Variants in SYPL1 observed in about 807,000 individuals in gnomAD.
SYPL1 encodes the protein synaptophysin like 1.
Under a neutral mutation model 23.7 loss-of-function variants are expected in SYPL1, and 6 were observed. The observed-to-expected ratio is 0.25, with a 90% CI of 0.14 to 0.50. The LOEUF is 0.50. Ranked by LOEUF, SYPL1 falls within the 20% of genes least tolerant of loss-of-function variation. SYPL1 has a pLI of 0.98. For missense variants in SYPL1, 253 were observed against 288.9 expected, an observed-to-expected ratio of 0.88 and a Z score of 0.90; for synonymous variants, 102 against 104.5, an observed-to-expected ratio of 0.98 and a Z score of 0.15.
intron 1 of SYPL1, among the ~76,000 whole-genome samples, chr7:106,103,540 G>A (rs889775527): frequency 9.2e-5 from 14 of 152,040 alleles, no homozygotes; most frequent in African/African-American, 3.1e-4. Context: ...CACTTTACAT[G>A]TCACTAATCT....
chr7:106,100,763 C>T lies in SYPL1; in HGVS notation c.70-1481G>A, dbSNP rs1420162520. On this transcript the variant is annotated intron_variant, in intron 1 of 4. Coordinates refer to ENST00000455385, the MANE Select transcript of SYPL1 (RefSeq NM_182715.4). This position sits in a 1 kb window ranked among gnomAD's most constrained non-coding sequence, Gnocchi z 5.1. ...CCCCAGCTTCAGTCTGTTATCAACA[C>T]AACAGCCAAGACAATCTTTTAAAAA... Among the ~76,000 whole-genome samples the T allele has an allele frequency of 1.3e-5, 2 of 152,212 alleles. No homozygotes were observed. Among genetic ancestry groups the T allele is most frequent in the Admixed American group, 1.3e-4 (2 of 15,282 alleles).
In SYPL1 at chr7:106,090,630, C is replaced by T. The variant is rs1839681249; in HGVS notation, c.*1175G>A. 1 of 152,618 alleles carries T rather than the reference C, an allele frequency of 6.6e-6. No homozygotes were observed. Among genetic ancestry groups the T allele is most frequent in the African/African-American group, 2.4e-5 (1 of 41,456 alleles). 9.5% of individuals were successfully genotyped at this position (152,618 alleles called of 1,614,324 possible). On this transcript the variant is annotated 3_prime_UTR_variant, in exon 5 of 5. Coordinates refer to ENST00000455385, the MANE Select transcript of SYPL1 (RefSeq NM_182715.4). ...AAGATGTGCTTCACATATAAACAAT[C>T]ATGTTGTAAGAATAAGAAACCTGAA... is the stretch of plus-strand genomic sequence containing the variant.
intron 1 of SYPL1, among the ~76,000 whole-genome samples, chr7:106,108,564 T>C (rs1187030531): frequency 3.9e-5 from 6 of 152,140 alleles, no homozygotes; most frequent in Non-Finnish European, 8.8e-5. Flanking sequence ...TAAGTGAACA[T>C]ACACGTTATC....
Position 106,093,094 on chromosome 7 carries a change from C to G in SYPL1, c.446G>C (p.Ser149Thr). The change falls in exon 4 of 5, where the codon AGC becomes ACC. Residue 149 changes from serine to threonine, a missense_variant. Coordinates refer to ENST00000455385, the MANE Select transcript of SYPL1 (RefSeq NM_182715.4). Reference protein sequence around the residue: ...TLVATFLWLVSTSAWAKALTD... With the variant: ...TLVATFLWLVTTSAWAKALTD... ...CAGAGCTTTAGCCCAGGCTGAAGTG[C>G]TCACCAACCACAAAAAAGTGGCAAC... is the stretch of plus-strand genomic sequence containing the variant. 6.2e-7 allele frequency: 1 copy of G among 1,611,792 alleles called. No homozygotes were observed. Among genetic ancestry groups the G allele is most frequent in the East Asian group, 2.2e-5 (1 of 44,838 alleles).
chr7:106,104,685 A>G lies in SYPL1; in HGVS notation c.70-5403T>C, dbSNP rs1413153523. On this transcript the variant is annotated intron_variant, in intron 1 of 4. Transcript: ENST00000455385. The surrounding 1 kb of genome is among the most constrained non-coding windows in gnomAD (Gnocchi z 4.1). ...TTATTATTTTAAAGCTTTTTGTTAT[A>G]AGGATAGATAAATATCATGACAGCA... Among the ~76,000 whole-genome samples, 1 of 152,248 alleles carries G rather than the reference A, an allele frequency of 6.6e-6. No individual in the cohort carries two copies. Among genetic ancestry groups the G allele is most frequent in the African/African-American group, 2.4e-5 (1 of 41,464 alleles).
chr7:106,097,774 A>T lies in SYPL1; in HGVS notation c.318T>A (p.Phe106Leu). 1 of 1,614,102 alleles carries T rather than the reference A, an allele frequency of 6.2e-7. No individual in the cohort carries two copies. The highest frequency in any genetic ancestry group is 1.1e-5 in the South Asian group (1 of 91,078). ...GGGCAGCAATGCAGTACAGGAACAC[A>T]AAGACTGCAAAGGTAACATAGAATT... ...SAQFYVTFAV[F>L]VFLYCIAALL... Residue 106 changes from phenylalanine (F) to leucine (L), a missense_variant, in exon 3 of 5, where the codon TTT (phenylalanine) becomes TTA (leucine). Phe to Leu is a conservative substitution (Grantham distance 22). Coordinates refer to ENST00000455385, the MANE Select transcript of SYPL1 (RefSeq NM_182715.4). The surrounding 1 kb of genome is among the most constrained non-coding windows in gnomAD (Gnocchi z 4.6).
rs1466280336 is a variant in SYPL1, at chr7:106,097,678, G to T, written c.402+12C>A. ...ATTATTTTTGTATTTAAAAAATAAAGTGATTACTTACTATCATAGGAAGTT... is the reference window on the plus strand; with the variant it reads ...ATTATTTTTGTATTTAAAAAATAAATTGATTACTTACTATCATAGGAAGTT... On this transcript the variant is annotated intron_variant, in intron 3 of 4. Transcript: ENST00000455385. The surrounding 1 kb of genome is among the most constrained non-coding windows in gnomAD (Gnocchi z 4.6). 4 of 1,584,296 alleles carry T rather than the reference G, an allele frequency of 2.5e-6. No homozygotes were observed. Among genetic ancestry groups the T allele is most frequent in the Non-Finnish European group, 2.6e-6 (3 of 1,164,894 alleles).
rs1839696386 is a variant in SYPL1, at chr7:106,090,916, G to A, written c.*889C>T. 6.6e-6 allele frequency: 1 copy of A among 152,268 alleles called. No homozygotes were observed. Among genetic ancestry groups the A allele is most frequent in the South Asian group, 2.1e-4 (1 of 4,814 alleles). 9.4% of individuals were successfully genotyped at this position (152,268 alleles called of 1,614,324 possible). ...ACTCTCAATGGTAAATTTCAAACAT[G>A]GAAAGCAATCTTAATTTTTTTAACC... On this transcript the variant is annotated 3_prime_UTR_variant, in exon 5 of 5. Transcript: ENST00000455385.
At chr7:106,111,595 T>C (rs1790152282) in intron 1 of SYPL1, among the ~76,000 whole-genome samples, 1 of 152,250 alleles carries the variant, frequency 6.6e-6, no homozygotes. Flanking sequence ...TTAGTTTCCC[T>C]GGCCCACAGT....
rs755903127 is a variant in SYPL1 at position 106,112,163 on chromosome 7, C to G, written c.46G>C (p.Gly16Arg). Residue 16 changes from glycine (G) to arginine (R), a missense_variant, in exon 1 of 5, where the codon GGC becomes CGC. Gly to Arg is a moderately radical substitution (Grantham distance 125). Transcript: ENST00000455385. Reference sequence around the variant, plus strand: ...ACCCACTCGAGGACCTTGATGAAGCCGAGTGGCTCCTTGAGCGGGTTGAGG... The same window carrying G: ...ACCCACTCGAGGACCTTGATGAAGCGGAGTGGCTCCTTGAGCGGGTTGAGG... ...INLNPLKEPLGFIKVLEWIAS... is the reference protein window; with the variant it reads ...INLNPLKEPLRFIKVLEWIAS... The G allele has an allele frequency of 6.5e-7, 1 of 1,542,742 alleles. No homozygotes were observed. Among genetic ancestry groups the G allele is most frequent in the South Asian group, 1.2e-5 (1 of 85,492 alleles).
chr7:106,092,543 C>T (rs544932344), intron 4 of SYPL1: 18 of 307,576 alleles, frequency 5.9e-5, no homozygotes, highest in Admixed American at 2.9e-4. Context: ...AGTGGTGGCA[C>T]ATGCCTGTAA....
chr7:106,097,091 C>A lies in SYPL1; in HGVS notation c.402+599G>T, dbSNP rs973217468. Reference sequence around the variant, plus strand: ...AGTAACTGAGTATGGTGGCTTGTGACTGTAGTCCCAGCTACTCAGGAGGAT... The same window carrying A: ...AGTAACTGAGTATGGTGGCTTGTGAATGTAGTCCCAGCTACTCAGGAGGAT... On this transcript the variant is annotated intron_variant, in intron 3 of 4. Coordinates refer to ENST00000455385, the MANE Select transcript of SYPL1 (RefSeq NM_182715.4). The surrounding 1 kb of genome is among the most constrained non-coding windows in gnomAD (Gnocchi z 4.6). Among the ~76,000 whole-genome samples, 1 of 152,142 alleles carries A rather than the reference C, an allele frequency of 6.6e-6. No homozygotes were observed. The highest frequency in any genetic ancestry group is 2.4e-5 in the African/African-American group (1 of 41,420).
rs149521553 is a variant in SYPL1, at chr7:106,091,810, T to C, written c.721A>G (p.Ile241Val). 1.2e-6 allele frequency: 2 copies of C among 1,610,734 alleles called. No homozygotes were observed. The highest frequency in any genetic ancestry group is 2.7e-5 in the African/African-American group (2 of 74,870). ...CAGTGTATTTCTCCCTTTAATTATA[T>C]TCCGGTAGGAGGTGGAATACCTCCT... is the stretch of plus-strand genomic sequence containing the variant. The part of the protein sequence containing the change: ...SQGGIPPPTG[I>V] Residue 241 changes from isoleucine to valine, a missense_variant, in exon 5 of 5, where the codon ATA becomes GTA. Ile to Val is a conservative substitution (Grantham distance 29). Coordinates refer to ENST00000455385, the MANE Select transcript of SYPL1 (RefSeq NM_182715.4). This position sits in a 1 kb window ranked among gnomAD's most constrained non-coding sequence, Gnocchi z 5.0.
At chr7:106,107,997 C>A (rs1840698705) in intron 1 of SYPL1, among the ~76,000 whole-genome samples, 1 of 151,926 alleles carries the variant, frequency 6.6e-6, no homozygotes, top group Non-Finnish European at 1.5e-5. Context: ...GAGTTAGAGT[C>A]CAGGCTGGCC....
intron 3 of SYPL1, among the ~76,000 whole-genome samples, chr7:106,094,353 A>G (rs770243562): frequency 6.6e-6 from 1 of 152,248 alleles, no homozygotes; most frequent in Non-Finnish European, 1.5e-5. Flanking sequence ...CTTAGGAGAT[A>G]TAGAAGCTAT....
In SYPL1 at chr7:106,112,302, G is replaced by A. The variant is rs1029707199; in HGVS notation, c.-94C>T. On this transcript the variant is annotated 5_prime_UTR_variant, in exon 1 of 5. Coordinates refer to ENST00000455385, the MANE Select transcript of SYPL1 (RefSeq NM_182715.4). ...AGCCCGGTGGCGAGGAAGGGCAGGC[G>A]GGGCTGGCGCGCTGGCCGGGCTCGG... The A allele has an allele frequency of 3.9e-5, 53 of 1,354,866 alleles. No homozygotes were observed. The African/African-American group carries it at 4.0e-4, about 10-fold the overall frequency. 83.9% of individuals were successfully genotyped at this position (1,354,866 alleles called of 1,614,324 possible).
intron 1 of SYPL1, among the ~76,000 whole-genome samples, chr7:106,101,703 C>T (rs1383948934): frequency 1.3e-5 from 2 of 149,402 alleles, no homozygotes; most frequent in African/African-American, 5.0e-5. Flanking sequence ...AATACTCTCT[C>T]AGAATAAATA....
chr7:106,111,975 C>G, intron 1 of SYPL1, 165 bp downstream of exon 1: 1 of 916,930 alleles, frequency 1.1e-6, no homozygotes, highest in Non-Finnish European at 1.4e-6. Context: ...CCGCGCGGCC[C>G]AGGCCGCGGC....
rs1386376914 is a variant in SYPL1 at position 106,097,792 on chromosome 7, A to G, written c.300T>C (p.Tyr100=). 1.2e-6 allele frequency: 2 copies of G among 1,614,126 alleles called. No individual in the cohort carries two copies. The highest frequency in any genetic ancestry group is 1.7e-5 in the Admixed American group (1 of 60,034). Residue 100 remains tyrosine (Y), a synonymous_variant, in exon 3 of 5, where the codon TAT becomes TAC. Transcript: ENST00000455385. This position sits in a 1 kb window ranked among gnomAD's most constrained non-coding sequence, Gnocchi z 4.6. The part of the protein sequence containing the change: ...IGDYSSSAQF[Y]VTFAVFVFLY... ...GGAACACAAAGACTGCAAAGGTAACATAGAATTGTGCAGAAGAAGAGTAAT... is the reference window on the plus strand; with the variant it reads ...GGAACACAAAGACTGCAAAGGTAACGTAGAATTGTGCAGAAGAAGAGTAAT...
Sources: allele counts gnomAD v4.1 joint callset (sites outside exome capture counted in the v4.1 genomes callset), GRCh38; gene constraint gnomAD v4.1.1; non-coding constraint Gnocchi (gnomAD v3.1); transcripts MANE v1.5; gene names NCBI Gene and HGNC (gene_info 2026-07-23, HGNC 2026-07-21).